GAPVD1: variants seen among roughly 807,000 people sequenced by gnomAD.
The protein encoded by GAPVD1 is GTPase-activating protein and VPS9 domain-containing protein 1.
GAPVD1 carries 35 observed loss-of-function variants against 155.5 expected under a neutral mutation model. The observed-to-expected ratio is 0.23, with a 90% CI of 0.17 to 0.30. The LOEUF is 0.30. GAPVD1 is among the 10% of genes least tolerant of loss of function. The pLI, the probability that GAPVD1 is intolerant of heterozygous loss-of-function variation, is 1.00. For missense variants in GAPVD1, 1,429 were observed against 1,775.7 expected (o/e 0.80, Z 3.51); for synonymous variants, 636 against 619.7 (o/e 1.03, Z -0.39).
At chr9:125,334,983 A>G (rs1437855803) in intron 15 of GAPVD1, among the ~76,000 whole-genome samples, 3 of 152,206 alleles carry the variant, frequency 2.0e-5, no homozygotes, top group South Asian at 2.1e-4. Context: ...TGGTGGTGAT[A>G]TGAAAAATGT....
At chr9:125,335,346 T>A (rs1201209496) in intron 15 of GAPVD1, 5 of 517,148 alleles carry the variant, frequency 9.7e-6, no homozygotes, top group Non-Finnish European at 1.7e-5. Flanking sequence ...TTATTTTTAA[T>A]GCTTTTTTGT....
intron 9 of GAPVD1, among the ~76,000 whole-genome samples, chr9:125,321,120 CAG>C (rs1252674851): frequency 6.6e-6 from 1 of 152,106 alleles, no homozygotes; most frequent in Non-Finnish European, 1.5e-5. Context: ...TGACACATGA[CAG>C]AATTAGAAGG....
rs771651452 is a variant in GAPVD1 at position 125,307,500 on chromosome 9, T to C, written c.1204T>C (p.Leu402=). The C allele has an allele frequency of 6.2e-7, 1 of 1,611,464 alleles. No homozygotes were observed. The highest frequency in any genetic ancestry group is 2.2e-5 in the East Asian group (1 of 44,878). ...GTCTTCCGTCAATCTTCTGGAAGGATTGAGCAGAACTGTGGTTTATATAAC... is the reference window on the plus strand; with the variant it reads ...GTCTTCCGTCAATCTTCTGGAAGGACTGAGCAGAACTGTGGTTTATATAAC... The part of the protein sequence containing the change: ...PLSSVNLLEG[L]SRTVVYITYS... The change falls in exon 7 of 28, where the codon TTG becomes CTG. Residue 402 remains leucine, a synonymous_variant. Transcript: ENST00000297933.
chr9:125,333,369 C>T lies in GAPVD1; in HGVS notation c.2428+740C>T, dbSNP rs75069533. 5.0e-3 allele frequency among the ~76,000 whole-genome samples: 755 copies of T among 152,020 alleles called. 29 individuals carry two copies. The East Asian group carries it at 0.094, about 19-fold the overall frequency. ...TGCTGGGAGTACAGGTGTGAGCCAC[C>T]GCACCCGGCCAGTAAAACATTTTTT... On this transcript the variant is annotated intron_variant, in intron 15 of 27. Coordinates refer to ENST00000297933, the MANE Select transcript of GAPVD1 (RefSeq NM_001282680.3).
chr9:125,354,494 A>G (rs1280719078), intron 23 of GAPVD1, among the ~76,000 whole-genome samples, 160 bp from the exon 24 acceptor site: 1 of 152,214 alleles, frequency 6.6e-6, no homozygotes, highest in East Asian at 1.9e-4. Context: ...GCAGCCTGAC[A>G]TGCTACTTTG....
intron 2 of GAPVD1, among the ~76,000 whole-genome samples, chr9:125,271,820 A>G (rs558891172): frequency 6.6e-6 from 1 of 152,100 alleles, no homozygotes; most frequent in East Asian, 1.9e-4. Context: ...GGGCTTACCC[A>G]CCGCACCTGG....
intron 5 of GAPVD1, among the ~76,000 whole-genome samples, chr9:125,303,444 A>G (rs914465967): frequency 6.6e-6 from 1 of 151,406 alleles, no homozygotes; most frequent in Non-Finnish European, 1.5e-5. Context: ...CAGCCTCAGC[A>G]ACATAGTGAG....
chr9:125,303,165 C>T (rs1225909409), intron 5 of GAPVD1, among the ~76,000 whole-genome samples: 3 of 152,050 alleles, frequency 2.0e-5, no homozygotes, highest in Non-Finnish European at 2.9e-5. Flanking sequence ...GCTGGGATTA[C>T]AGGCGCACAC....
intron 2 of GAPVD1, among the ~76,000 whole-genome samples, chr9:125,281,986 A>G (rs2416960): frequency 0.011 from 1,736 of 152,178 alleles, 28 homozygotes; most frequent in African/African-American, 0.04. Context: ...ACACCTGGCT[A>G]ATTTTTAAAA....
At position 125,356,404 on chromosome 9, in the gene GAPVD1, A is replaced by G. The variant is rs1157490315; in HGVS notation, c.3971+547A>G. ...CCCTGACCTCTACACACAAGATGCC[A>G]GTAATACCCCACCAGTTGTGACAAC... On this transcript the variant is annotated intron_variant, in intron 25 of 27. Transcript: ENST00000297933. Among the ~76,000 whole-genome samples, 10 of 152,218 alleles carry G rather than the reference A, an allele frequency of 6.6e-5. No individual in the cohort carries two copies. The East Asian group carries it at 9.6e-4, about 15-fold the overall frequency.
At chr9:125,353,421 G>A (rs774646369) in intron 23 of GAPVD1, among the ~76,000 whole-genome samples, 2 of 152,206 alleles carry the variant, frequency 1.3e-5, no homozygotes, top group African/African-American at 4.8e-5. Flanking sequence ...ACATTTTCCT[G>A]TCTTCTTCTG....
intron 27 of GAPVD1, 68 bp from the exon 28 acceptor site, chr9:125,362,538 A>G (rs1339536727): frequency 8.2e-7 from 1 of 1,217,656 alleles, no homozygotes; most frequent in Non-Finnish European, 1.1e-6. Flanking sequence ...TTCGAAGAAC[A>G]CTTAAATGAT....
intron 2 of GAPVD1, among the ~76,000 whole-genome samples, chr9:125,281,537 T>C (rs1196815602): frequency 2.6e-5 from 4 of 152,200 alleles, no homozygotes; most frequent in Non-Finnish European, 2.9e-5. Flanking sequence ...CTTCATATTA[T>C]TAACATCTTA....
chr9:125,341,358 G>T (rs1847827840), intron 18 of GAPVD1, 94 bp downstream of exon 18: 2 of 655,930 alleles, frequency 3.0e-6, no homozygotes, highest in East Asian at 5.6e-5. Flanking sequence ...TCCTCTGTAA[G>T]ACTTGCTGGG....
At chr9:125,353,903 T>C (rs1589121236) in intron 23 of GAPVD1, among the ~76,000 whole-genome samples, 1 of 152,366 alleles carries the variant, frequency 6.6e-6, no homozygotes, top group East Asian at 1.9e-4. Flanking sequence ...ACTCTGGAAA[T>C]GTAGTTACAA....
At chr9:125,325,616 C>G (rs74824997) in intron 11 of GAPVD1, among the ~76,000 whole-genome samples, 3,053 of 151,118 alleles carry the variant, frequency 0.02, 78 homozygotes, top group African/African-American at 0.068. Context: ...TTAAAAATTC[C>G]ATTTCCCAAG....
intron 6 of GAPVD1, 31 bp downstream of exon 6, chr9:125,305,180 T>C: frequency 6.9e-7 from 1 of 1,439,076 alleles, no homozygotes; most frequent in Non-Finnish European, 9.8e-7. Flanking sequence ...TAGAAAATTC[T>C]GAAGTATTAG....
chr9:125,322,071 A>AT lies in GAPVD1; in HGVS notation c.1732+521dup, dbSNP rs893287108. Reference sequence around the variant, plus strand: ...TATGTCATTTTGCCTACTAGTACCAATTTTTTTTTTTTGAGACAGAGTCTC... The same window carrying AT: ...TATGTCATTTTGCCTACTAGTACCAATTTTTTTTTTTTTGAGACAGAGTCTC... On this transcript the variant is annotated intron_variant, in intron 10 of 27. Transcript: ENST00000297933. 2.9e-3 allele frequency among the ~76,000 whole-genome samples: 424 copies of AT among 147,058 alleles called. 3 individuals are homozygous for AT. The highest frequency in any genetic ancestry group is 8.3e-3 in the African/African-American group (337 of 40,396).
chr9:125,346,904 C>T lies in GAPVD1; in HGVS notation c.3132C>T (p.Ser1044=). ...ACAGGAATGCCATTAAACGGACCAG[C>T]CCCAGTGATGGAGCAATGGCAAACT... The part of the protein sequence containing the change: ...DKYRNAIKRT[S]PSDGAMANYE... The change falls in exon 20 of 28, where the codon AGC becomes AGT. Residue 1044 remains serine, a synonymous_variant. Coordinates refer to ENST00000297933, the MANE Select transcript of GAPVD1 (RefSeq NM_001282680.3). 6.2e-7 allele frequency: 1 copy of T among 1,611,848 alleles called. No individual in the cohort carries two copies. Among genetic ancestry groups the T allele is most frequent in the Non-Finnish European group, 8.5e-7 (1 of 1,177,920 alleles).
Sources: allele counts gnomAD v4.1 joint callset (sites outside exome capture counted in the v4.1 genomes callset), GRCh38; gene constraint gnomAD v4.1.1; transcripts MANE v1.5; gene names NCBI Gene and HGNC (gene_info 2026-07-23, HGNC 2026-07-21).